BLTP2: variants seen among roughly 807,000 people sequenced by gnomAD.
BLTP2 encodes U937-associated antigen.
the BLTP2 span, chr17:28,640,609 C>A: frequency 2.5e-6 from 4 of 1,614,128 alleles, no homozygotes; most frequent in Non-Finnish European, 3.4e-6. Context: ...TCCATCTTAA[C>A]CTTGACCTGG....
At chr17:28,621,223 G>A in the BLTP2 span, 1 of 1,567,322 alleles carries the variant, frequency 6.4e-7, no homozygotes. Flanking sequence ...TAAAGATAAT[G>A]TGAGAGCCTC....
chr17:28,629,612 G>A, the BLTP2 span, among the ~76,000 whole-genome samples: 1 of 152,116 alleles, frequency 6.6e-6, no homozygotes, highest in African/African-American at 2.4e-5. Flanking sequence ...CGAGTAGCTC[G>A]GATTACAGGC....
chr17:28,636,953 C>T, the BLTP2 span: 1 of 1,611,498 alleles, frequency 6.2e-7, no homozygotes, highest in African/African-American at 1.3e-5. Context: ...CACCTCTCCA[C>T]AGGAACATTA....
the BLTP2 span, among the ~76,000 whole-genome samples, chr17:28,643,875 A>G: frequency 1.3e-5 from 2 of 152,242 alleles, no homozygotes; most frequent in African/African-American, 4.8e-5. Flanking sequence ...TCCTACAAAC[A>G]TTTTTAACTG....
the BLTP2 span, chr17:28,631,658 T>A: frequency 6.2e-7 from 1 of 1,613,990 alleles, no homozygotes; most frequent in Non-Finnish European, 8.5e-7. Flanking sequence ...CAATCAGAGA[T>A]AAGGCGCCGC....
At chr17:28,621,238 C>T in the BLTP2 span, 1 of 1,540,514 alleles carries the variant, frequency 6.5e-7, no homozygotes, top group Non-Finnish European at 8.9e-7. Flanking sequence ...AGCCTCCCAG[C>T]TATGTCTCAG....
chr17:28,626,917 T>C, the BLTP2 span, among the ~76,000 whole-genome samples: 2 of 152,216 alleles, frequency 1.3e-5, no homozygotes, highest in African/African-American at 4.8e-5. Context: ...AACCCGTTTA[T>C]AGCCAGTTGG....
At chr17:28,621,236 AGCTAT>A in the BLTP2 span, 1 of 1,544,146 alleles carries the variant, frequency 6.5e-7, no homozygotes, top group Non-Finnish European at 8.9e-7. Context: ...AGAGCCTCCC[AGCTAT>A]GTCTCAGAAA....
chr17:28,632,274 G>A, the BLTP2 span: 25 of 1,554,786 alleles, frequency 1.6e-5, no homozygotes, highest in East Asian at 5.2e-4. Flanking sequence ...CCTAGTTATG[G>A]ATGAAACACA....
chr17:28,631,683 T>C, the BLTP2 span: 2 of 1,613,784 alleles, frequency 1.2e-6, no homozygotes, highest in Non-Finnish European at 1.7e-6. Context: ...CTGTGCCTGC[T>C]GAGAAAAAGA....
At chr17:28,634,628 C>T in the BLTP2 span, 1 of 1,614,228 alleles carries the variant, frequency 6.2e-7, no homozygotes, top group Admixed American at 1.7e-5. Flanking sequence ...TGTTCTACCA[C>T]ATGCTCAGGA....
At chr17:28,631,530 C>G in the BLTP2 span, 1 of 1,614,142 alleles carries the variant, frequency 6.2e-7, no homozygotes, top group Non-Finnish European at 8.5e-7. Flanking sequence ...AGGACAAGCT[C>G]AGCAGGTGGG....
the BLTP2 span, chr17:28,616,492 G>C: frequency 1.9e-6 from 3 of 1,614,172 alleles, no homozygotes; most frequent in African/African-American, 4.0e-5. The surrounding 1 kb of genome is among the most constrained non-coding windows in gnomAD (Gnocchi z 4.8). Flanking sequence ...AGCTGCCGAG[G>C]CTTCACCACT....
the BLTP2 span, chr17:28,614,524 G>C: frequency 5.0e-6 from 1 of 200,264 alleles, no homozygotes; most frequent in Non-Finnish European, 1.0e-5. Flanking sequence ...GAAGGGTAGG[G>C]GACCCATGGC....
the BLTP2 span, chr17:28,640,649 A>G: frequency 1.2e-6 from 2 of 1,613,934 alleles, no homozygotes; most frequent in Non-Finnish European, 1.7e-6. Context: ...GGAATAGGCC[A>G]GGCAGAGTTG....
the BLTP2 span, among the ~76,000 whole-genome samples, chr17:28,632,480 T>C: frequency 6.6e-6 from 1 of 152,064 alleles, no homozygotes; most frequent in South Asian, 2.1e-4. Flanking sequence ...CCTAAGGTAA[T>C]GATGTTAAGA....
the BLTP2 span, chr17:28,645,056 T>C: frequency 1.3e-6 from 2 of 1,597,542 alleles, no homozygotes; most frequent in Non-Finnish European, 1.7e-6. Context: ...AACAGAGGCA[T>C]TTAGGTCCGG....
chr17:28,619,045 G>C, the BLTP2 span: 1 of 1,217,312 alleles, frequency 8.2e-7, no homozygotes, highest in Non-Finnish European at 1.2e-6. Flanking sequence ...GAATGCTCTA[G>C]AATGATGCAG....
chr17:28,642,203 G>A, the BLTP2 span: 27 of 1,584,190 alleles, frequency 1.7e-5, no homozygotes, highest in South Asian at 2.2e-4. Flanking sequence ...AACCTAGGAT[G>A]TAAGCCCTAA....
Sources: gnomAD v4.1 joint callset for allele counts (sites outside exome capture counted in the v4.1 genomes callset) on GRCh38, gnomAD v4.1.1 for gene constraint, Gnocchi (gnomAD v3.1) non-coding constraint, MANE v1.5 for transcripts, NCBI Gene and HGNC (gene_info 2026-07-23, HGNC 2026-07-21) for gene names.